Variants in CHL1 observed in about 807,000 individuals in gnomAD.
CHL1 encodes neural cell adhesion molecule L1-like protein.
Under a neutral mutation model 141.9 loss-of-function variants are expected in CHL1, and 96 were observed. The observed-to-expected ratio is 0.68, with a 90% CI of 0.57 to 0.80. The LOEUF (loss-of-function observed/expected upper bound fraction) is 0.80, where lower values mean the gene tolerates loss of function less well. Among genes scored for constraint, CHL1 ranks in the 30% least tolerant of loss-of-function variants. The pLI is 0.00. For missense variants in CHL1, 1,820 were observed against 1,457.2 expected, an observed-to-expected ratio of 1.25 and a Z score of -4.05; for synonymous variants, 613 against 502.2, an observed-to-expected ratio of 1.22 and a Z score of -2.95.
At chr3:354,607 ACATCTCT>A in intron 10 of CHL1, 26 bp from the exon 11 acceptor site, 1 of 1,576,468 alleles carries the variant, frequency 6.3e-7, no homozygotes, top group Non-Finnish European at 8.6e-7. Flanking sequence ...GACATAGATA[ACATCTCT>A]CATGAGCTCT....
chr3:205,722 A>T (rs1364459411), intron 1 of CHL1, among the ~76,000 whole-genome samples: 1 of 152,154 alleles, frequency 6.6e-6, no homozygotes, highest in East Asian at 1.9e-4. Flanking sequence ...AAAAGCTTTT[A>T]TTGATCGCCA....
At chr3:290,052 C>G (rs924231171) in intron 2 of CHL1, among the ~76,000 whole-genome samples, 1 of 147,984 alleles carries the variant, frequency 6.8e-6, no homozygotes, top group African/African-American at 2.5e-5. Context: ...GAAGCTTGTT[C>G]AACACAGTTT....
intron 23 of CHL1, among the ~76,000 whole-genome samples, chr3:394,171 T>G (rs552028705): frequency 2.7e-4 from 41 of 152,314 alleles, no homozygotes; most frequent in Non-Finnish European, 2.9e-5. Flanking sequence ...TCTTAAATAT[T>G]TAATATATTC....
Position 238,406 on chromosome 3 carries a change from AT to A in CHL1, c.-174-6201del, listed in dbSNP as rs1013485918. The stretch of plus-strand genomic sequence containing the variant: ...TTAAAGATCAATTGAGATCAGATAC[AT>A]TTTTTAAAGGAAAAAAAATAAAAAA... On this transcript the variant is annotated intron_variant, in intron 1 of 27. Coordinates refer to ENST00000256509, the MANE Select transcript of CHL1 (RefSeq NM_006614.4). 4.5e-5 allele frequency among the ~76,000 whole-genome samples: 6 copies of A among 134,250 alleles called. No individual in the cohort carries two copies. The South Asian group carries it at 9.1e-4, about 20-fold the overall frequency. 88.1% of individuals were successfully genotyped at this position (134,250 alleles called of 152,430 possible). A position where few individuals can be genotyped will look rare whatever the true frequency, so the allele number is the denominator to read the frequency against.
chr3:347,419 C>G (rs1298614067), intron 9 of CHL1, among the ~76,000 whole-genome samples: 1 of 151,984 alleles, frequency 6.6e-6, no homozygotes, highest in Non-Finnish European at 1.5e-5. Context: ...AAAAAATTGG[C>G]AAGAATAGAG....
rs73814709 is a variant in CHL1 at position 357,054 on chromosome 3, T to G, written c.1165+2283T>G. Among the ~76,000 whole-genome samples the G allele has an allele frequency of 1.5e-3, 225 of 152,336 alleles. 2 individuals are homozygous for G. Among genetic ancestry groups the G allele is most frequent in the African/African-American group, 5.2e-3 (217 of 41,568 alleles). On this transcript the variant is annotated intron_variant, in intron 11 of 27. Transcript: ENST00000256509. ...GTCATGGTTGGCTTCTGGATTTATT[T>G]TGAAATTGAGCCAATAGGTTTGTTA... is the stretch of plus-strand genomic sequence containing the variant.
In CHL1 at chr3:337,180, C is replaced by CTTT. The variant is rs1490013935; in HGVS notation, c.386-3612_386-3610dup. Among the ~76,000 whole-genome samples, 20 of 113,280 alleles carry CTTT rather than the reference C, an allele frequency of 1.8e-4. 1 individual carries two copies. The highest frequency in any genetic ancestry group is 2.8e-4 in the South Asian group (1 of 3,590). 74.3% of individuals were successfully genotyped at this position (113,280 alleles called of 152,430 possible). Reference sequence around the variant, plus strand: ...GGTTATAATGGGATTTCCAAACATTCTTTTGTTTTTGTTTTTTTTTTTTTT... The same window carrying CTTT: ...GGTTATAATGGGATTTCCAAACATTCTTTTTTTGTTTTTGTTTTTTTTTTTTTT... On this transcript the variant is annotated intron_variant, in intron 5 of 27. Transcript: ENST00000256509.
intron 1 of CHL1, among the ~76,000 whole-genome samples, chr3:209,855 A>T (rs1699756831): frequency 6.6e-6 from 1 of 152,224 alleles, no homozygotes; most frequent in African/African-American, 2.4e-5. Context: ...GCCGTTGTTT[A>T]CAGATAGGAT....
intron 2 of CHL1, among the ~76,000 whole-genome samples, chr3:292,624 CTT>C (rs1697793281): frequency 6.6e-6 from 1 of 152,158 alleles, no homozygotes; most frequent in African/African-American, 2.4e-5. Flanking sequence ...ATACCCGAGA[CTT>C]AGTAATTTAT....
At chr3:287,914 C>A (rs549994672) in intron 2 of CHL1, among the ~76,000 whole-genome samples, 1 of 149,232 alleles carries the variant, frequency 6.7e-6, no homozygotes. Context: ...TACAGGCGTG[C>A]GCCATCACGC....
chr3:363,155 T>C, intron 13 of CHL1, 62 bp from the exon 14 acceptor site: 3 of 1,398,994 alleles, frequency 2.1e-6, no homozygotes, highest in South Asian at 1.3e-5. Context: ...CACTGACTAG[T>C]ATTAAAAAGC....
intron 5 of CHL1, among the ~76,000 whole-genome samples, chr3:334,444 T>C (rs1701702087): frequency 6.6e-6 from 1 of 152,206 alleles, no homozygotes; most frequent in African/African-American, 2.4e-5. Flanking sequence ...TCACTCTCTG[T>C]TCCCATCTCC....
chr3:349,756 T>C (rs1294127668), intron 10 of CHL1, among the ~76,000 whole-genome samples: 1 of 152,202 alleles, frequency 6.6e-6, no homozygotes, highest in East Asian at 1.9e-4. Context: ...CAAGAAAAGA[T>C]CTCATGTTAG....
intron 3 of CHL1, among the ~76,000 whole-genome samples, chr3:322,645 AATATAT>A (rs4002786): frequency 0.12 from 15,335 of 130,116 alleles, 1,027 homozygotes; most frequent in African/African-American, 0.14. Flanking sequence ...ATATATATAA[AATATAT>A]ATATATATAT....
rs577971899 is a variant in CHL1, at chr3:292,507, A to T, written c.-94-27176A>T. Among the ~76,000 whole-genome samples, 3 of 152,346 alleles carry T rather than the reference A, an allele frequency of 2.0e-5. No homozygotes were observed. In the East Asian group the frequency reaches 5.8e-4, roughly 29 times the overall value. ...GGTGGAAATTAATATAGCCAATATA[A>T]TTAGTAAGTTGGATTCACCACACCA... On this transcript the variant is annotated intron_variant, in intron 2 of 27. Transcript: ENST00000256509.
chr3:365,865 A>G (rs956048725), intron 14 of CHL1, 85 bp from the exon 15 acceptor site: 1 of 1,005,742 alleles, frequency 9.9e-7, no homozygotes, highest in Non-Finnish European at 1.5e-6. Flanking sequence ...TTATGGTGAC[A>G]ATTTGGGTTA....
At chr3:328,500 TC>T in intron 5 of CHL1, 146 bp downstream of exon 5, 1 of 595,794 alleles carries the variant, frequency 1.7e-6, no homozygotes, top group Non-Finnish European at 2.7e-6. Flanking sequence ...AAAAATTTCC[TC>T]CAGGTCTTGA....
At chr3:288,825 T>C (rs980379447) in intron 2 of CHL1, among the ~76,000 whole-genome samples, 2 of 152,248 alleles carry the variant, frequency 1.3e-5, no homozygotes, top group Non-Finnish European at 2.9e-5. Context: ...TCATTAAATA[T>C]AGTTTGAGAC....
At chr3:377,063 A>T (rs1195639132) in intron 15 of CHL1, among the ~76,000 whole-genome samples, 1 of 152,230 alleles carries the variant, frequency 6.6e-6, no homozygotes, top group African/African-American at 2.4e-5. Flanking sequence ...CAAAATGCTA[A>T]TTATTATGAA....
Sources: allele counts gnomAD v4.1 joint callset (sites outside exome capture counted in the v4.1 genomes callset), GRCh38; gene constraint gnomAD v4.1.1; transcripts MANE v1.5; gene names NCBI Gene and HGNC (gene_info 2026-07-23, HGNC 2026-07-21).